Variants in SEC23A observed in about 807,000 individuals in gnomAD.
SEC23A encodes the protein protein transport protein Sec23A.
In SEC23A, 56 loss-of-function variants were observed where a neutral mutation model predicts 103.7. The ratio of observed to expected loss-of-function variants is 0.54; its 90% CI spans 0.44 to 0.67. The LOEUF is 0.67. SEC23A is among the 30% of genes least tolerant of loss of function. The pLI, the probability that SEC23A is intolerant of heterozygous loss-of-function variation, is 0.00. For synonymous variants in SEC23A, 281 were observed against 293.0 expected (o/e 0.96, Z 0.42); for missense variants, 784 against 936.4 (o/e 0.84, Z 2.12).
rs370297925 is a variant in SEC23A at position 39,095,993 on chromosome 14, A to G, written c.126T>C (p.Phe42=). 1 of 1,614,130 alleles carries G rather than the reference A, an allele frequency of 6.2e-7. No homozygotes were observed. The highest frequency in any genetic ancestry group is 8.5e-7 in the Non-Finnish European group (1 of 1,180,008). The change falls in exon 2 of 20, where the codon TTT becomes TTC. Residue 42 remains phenylalanine (F), a synonymous_variant. Transcript: ENST00000307712. ...AGTCAGGTCTCTCTTTCAGTGGTGT[A>G]AACAGGGCTGCCACAGGAACAACCA... ...TRMVVPVAAL[F]TPLKERPDLP...
At chr14:39,062,854 T>G (rs1324098227) in intron 12 of SEC23A, among the ~76,000 whole-genome samples, 1 of 152,146 alleles carries the variant, frequency 6.6e-6, no homozygotes, top group Admixed American at 6.5e-5. Context: ...TTATCTCCTG[T>G]GGCAGAAAAA....
Position 39,093,233 on chromosome 14 carries a change from T to C in SEC23A, c.233A>G (p.Tyr78Cys). Reference sequence around the variant, plus strand: ...GTTGCAAGCCCAAAGTTTTGCTCGATAATCCACTTGACTGTTTTAAAAAAA... The same window carrying C: ...GTTGCAAGCCCAAAGTTTTGCTCGACAATCCACTTGACTGTTTTAAAAAAA... Reference protein sequence around the residue: ...AVLNPLCQVDYRAKLWACNFC... With the variant: ...AVLNPLCQVDCRAKLWACNFC... Residue 78 changes from tyrosine (Y) to cysteine (C), a missense_variant, in exon 3 of 20, where the codon TAT becomes TGT. Physicochemically the swap from Tyr to Cys is radical, Grantham distance 194 (BLOSUM62 -2). Transcript: ENST00000307712. 1.2e-6 allele frequency: 2 copies of C among 1,611,716 alleles called. No homozygotes were observed. The highest frequency in any genetic ancestry group is 2.2e-5 in the East Asian group (1 of 44,846).
rs1371532448 is a variant in SEC23A at position 39,048,667 on chromosome 14, G to A, written c.1722C>T (p.Phe574=). 6.3e-7 allele frequency: 1 copy of A among 1,594,800 alleles called. No homozygotes were observed. Among genetic ancestry groups the A allele is most frequent in the Non-Finnish European group, 8.6e-7 (1 of 1,162,696 alleles). ...DPSSFRFSET[F]SLYPQFMFHL... ...ACCTACTTACCTGTGGATAAAGGGA[G>A]AAAGTTTCTGAAAATCTGAAGGAAC... is the stretch of plus-strand genomic sequence containing the variant. Residue 574 remains phenylalanine (F), a synonymous_variant, in exon 15 of 20, where the codon TTC becomes TTT. Coordinates refer to ENST00000307712, the MANE Select transcript of SEC23A (RefSeq NM_006364.4).
intron 2 of SEC23A, 145 bp downstream of exon 2, chr14:39,095,753 T>TAGGATTTTAGGATTTTAG: frequency 1.5e-6 from 1 of 662,884 alleles, no homozygotes; most frequent in Non-Finnish European, 2.6e-6. Context: ...CCTAAAATTT[T>TAGGATTTTAGGATTTTAG]ACAGCTCTCT....
intron 9 of SEC23A, among the ~76,000 whole-genome samples, chr14:39,069,757 T>C (rs1018957810): frequency 1.3e-5 from 2 of 152,120 alleles, no homozygotes; most frequent in African/African-American, 4.8e-5. Context: ...CCACAGCGCC[T>C]GGCCCCAGGT....
At chr14:39,064,640 T>A in intron 11 of SEC23A, 1 of 416,886 alleles carries the variant, frequency 2.4e-6, no homozygotes, top group South Asian at 2.5e-5. Flanking sequence ...GGAGCTGAAC[T>A]ACCTAAAACA....
At chr14:39,035,639 A>G (rs923543100) in intron 19 of SEC23A, among the ~76,000 whole-genome samples, 1 of 152,118 alleles carries the variant, frequency 6.6e-6, no homozygotes, top group Non-Finnish European at 1.5e-5. Context: ...CAATTTATTT[A>G]CCTATATTAC....
chr14:39,095,823 T>TA, intron 2 of SEC23A, 75 bp downstream of exon 2: 1 of 1,170,710 alleles, frequency 8.5e-7, no homozygotes. Context: ...AAGGGATTTT[T>TA]ATAAAAATAT....
At chr14:39,055,575 T>A (rs1266647491) in intron 13 of SEC23A, among the ~76,000 whole-genome samples, 3 of 152,100 alleles carry the variant, frequency 2.0e-5, no homozygotes, top group African/African-American at 7.2e-5. Flanking sequence ...GCCCAGCTAA[T>A]TTTTTTGTAT....
At chr14:39,081,946 T>C (rs755801376) in intron 7 of SEC23A, among the ~76,000 whole-genome samples, 2 of 152,116 alleles carry the variant, frequency 1.3e-5, no homozygotes, top group Admixed American at 1.3e-4. Flanking sequence ...TGAAGCATTA[T>C]CTTCTTGGTA....
intron 15 of SEC23A, 57 bp downstream of exon 15, chr14:39,048,595 G>A: frequency 9.1e-7 from 1 of 1,094,524 alleles, no homozygotes; most frequent in Non-Finnish European, 1.4e-6. Flanking sequence ...GGGAGAGCCT[G>A]TCTCTAAAAA....
At chr14:39,047,551 C>T (rs1885886232) in intron 15 of SEC23A, 2 of 329,390 alleles carry the variant, frequency 6.1e-6, no homozygotes, top group Non-Finnish European at 1.1e-5. Flanking sequence ...AAAGCTGATG[C>T]TTTAAACAAA....
rs894543195 is a variant in SEC23A, at chr14:39,032,756, C to T, written c.*483G>A. The T allele has an allele frequency of 6.5e-6, 1 of 153,904 alleles. No homozygotes were observed. The highest frequency in any genetic ancestry group is 2.4e-5 in the African/African-American group (1 of 41,404). 9.5% of individuals were successfully genotyped at this position (153,904 alleles called of 1,614,324 possible). A position where few individuals can be genotyped will look rare whatever the true frequency, so the allele number is the denominator to read the frequency against. ...TAAATCTGCCTTAACCTAGTAAGTACAGAAAAAGTGTATACATAAGTGCTG... is the reference window on the plus strand; with the variant it reads ...TAAATCTGCCTTAACCTAGTAAGTATAGAAAAAGTGTATACATAAGTGCTG... On this transcript the variant is annotated 3_prime_UTR_variant, in exon 20 of 20. Coordinates refer to ENST00000307712, the MANE Select transcript of SEC23A (RefSeq NM_006364.4).
intron 14 of SEC23A, among the ~76,000 whole-genome samples, chr14:39,050,852 T>C (rs549930915): frequency 6.6e-6 from 1 of 152,064 alleles, no homozygotes; most frequent in African/African-American, 2.4e-5. Flanking sequence ...ATCCCTGAAG[T>C]TGGATGCACA....
At chr14:39,038,694 C>T (rs1011130974) in intron 19 of SEC23A, among the ~76,000 whole-genome samples, 2 of 152,136 alleles carry the variant, frequency 1.3e-5, no homozygotes, top group Non-Finnish European at 1.5e-5. Context: ...AGGGTTCCTG[C>T]CCCTCCTTCT....
At chr14:39,040,607 C>G in intron 18 of SEC23A, 125 bp downstream of exon 18, 1 of 1,221,392 alleles carries the variant, frequency 8.2e-7, no homozygotes, top group Non-Finnish European at 1.2e-6. Context: ...TGATACCTTC[C>G]CCACCTATCT....
chr14:39,044,295 A>G (rs1469443538), intron 16 of SEC23A, among the ~76,000 whole-genome samples: 3 of 152,052 alleles, frequency 2.0e-5, no homozygotes, highest in Admixed American at 6.6e-5. Context: ...TACTCAGAAG[A>G]AAAAAAAGTT....
chr14:39,101,840 T>C (rs1888107997), intron 1 of SEC23A, among the ~76,000 whole-genome samples: 1 of 152,186 alleles, frequency 6.6e-6, no homozygotes, highest in East Asian at 1.9e-4. Context: ...ACAATTAACC[T>C]CTCTGAATCC....
rs1254722179 is a variant in SEC23A at position 39,033,150 on chromosome 14, T to C, written c.*89A>G. ...AATACAAAAAATATAGAGCAATATC[T>C]GTTGGTTTCCACAGATAAATGGAAA... On this transcript the variant is annotated 3_prime_UTR_variant, in exon 20 of 20. Coordinates refer to ENST00000307712, the MANE Select transcript of SEC23A (RefSeq NM_006364.4). 3 of 924,526 alleles carry C rather than the reference T, an allele frequency of 3.2e-6. No homozygotes were observed. The Admixed American group carries it at 5.2e-5, about 16-fold the overall frequency. The allele number at this position is 924,526 out of a possible 1,614,324, so 57.3% of individuals were successfully genotyped here.
Sources: allele counts gnomAD v4.1 joint callset (sites outside exome capture counted in the v4.1 genomes callset), GRCh38; gene constraint gnomAD v4.1.1; transcripts MANE v1.5; gene names NCBI Gene and HGNC (gene_info 2026-07-23, HGNC 2026-07-21).